Variants in ARHGAP24 observed in about 807,000 individuals in gnomAD.
ARHGAP24 encodes the protein Rho GTPase activating protein 24.
Under a neutral mutation model 76.4 loss-of-function variants are expected in ARHGAP24, and 50 were observed. The ratio of observed to expected loss-of-function variants is 0.65; its 90% CI spans 0.52 to 0.83. ARHGAP24 has a LOEUF of 0.83. Ranked by LOEUF, ARHGAP24 falls within the 40% of genes least tolerant of loss-of-function variation. ARHGAP24 has a pLI of 0.00. For missense variants in ARHGAP24, 930 were observed against 914.2 expected, an observed-to-expected ratio of 1.02 and a Z score of -0.22; for synonymous variants, 345 against 323.3, an observed-to-expected ratio of 1.07 and a Z score of -0.72.
chr4:85,683,107 T>TGGGGGGGGGGGGGGGGGGGG (rs1310671945), intron 2 of ARHGAP24, among the ~76,000 whole-genome samples: 2 of 12,840 alleles, frequency 1.6e-4, no homozygotes, highest in African/African-American at 2.4e-4. Flanking sequence ...TCTCTCAGTG[T>TGGGGGGGGGGGGGGGGGGGG]GTGGGGGGGT....
intron 2 of ARHGAP24, among the ~76,000 whole-genome samples, chr4:85,682,260 A>C (rs1250570693): frequency 1.3e-5 from 2 of 152,200 alleles, no homozygotes; most frequent in Non-Finnish European, 2.9e-5. Context: ...TTGATTATTT[A>C]TATTGTGTGA....
chr4:85,497,004 A>G (rs1019414972), intron 1 of ARHGAP24, among the ~76,000 whole-genome samples: 7 of 152,264 alleles, frequency 4.6e-5, no homozygotes, highest in African/African-American at 1.2e-4. Flanking sequence ...AAGCCGTGTT[A>G]TGAGAATATT....
chr4:85,805,275 G>A (rs891048616), intron 3 of ARHGAP24, among the ~76,000 whole-genome samples: 8 of 152,026 alleles, frequency 5.3e-5, no homozygotes, highest in Non-Finnish European at 7.4e-5. Flanking sequence ...CATTCCCCTT[G>A]CGTCCTTTCG....
intron 2 of ARHGAP24, among the ~76,000 whole-genome samples, chr4:85,599,322 C>A (rs1719957108): frequency 6.6e-6 from 1 of 152,116 alleles, no homozygotes; most frequent in Non-Finnish European, 1.5e-5. Flanking sequence ...GAGGCCAGAA[C>A]TGTAGAAGTG....
intron 1 of ARHGAP24, among the ~76,000 whole-genome samples, chr4:85,502,367 C>T (rs545469596): frequency 6.6e-6 from 1 of 152,164 alleles, no homozygotes; most frequent in East Asian, 1.9e-4. Flanking sequence ...ATGGAATGTT[C>T]TTCCATTTGT....
chr4:85,814,283 A>G (rs536396907), intron 3 of ARHGAP24, among the ~76,000 whole-genome samples: 1 of 152,352 alleles, frequency 6.6e-6, no homozygotes, highest in African/African-American at 2.4e-5. Flanking sequence ...ATGCTTTTCC[A>G]AAAGTCCCCC....
chr4:85,767,135 C>T (rs1205024807), intron 3 of ARHGAP24, among the ~76,000 whole-genome samples: 3 of 152,132 alleles, frequency 2.0e-5, no homozygotes, highest in Non-Finnish European at 1.5e-5. Flanking sequence ...GCAACATTCA[C>T]ACAATGTAAA....
At chr4:85,983,608 T>C (rs1444095279) in intron 8 of ARHGAP24, among the ~76,000 whole-genome samples, 1 of 152,160 alleles carries the variant, frequency 6.6e-6, no homozygotes, top group African/African-American at 2.4e-5. Context: ...ACAAACTTAC[T>C]TTAAAAAGCT....
chr4:85,614,513 T>G (rs1178748241), intron 2 of ARHGAP24, among the ~76,000 whole-genome samples: 1 of 152,202 alleles, frequency 6.6e-6, no homozygotes, highest in Non-Finnish European at 1.5e-5. Flanking sequence ...TAATAGCTGC[T>G]TTAAGCTTTA....
chr4:85,999,646 A>G (rs1740885200), intron 9 of ARHGAP24, among the ~76,000 whole-genome samples: 1 of 152,202 alleles, frequency 6.6e-6, no homozygotes, highest in Non-Finnish European at 1.5e-5. Flanking sequence ...TTAAATAAAG[A>G]TGTAACTTTA....
At chr4:85,490,218 T>C (rs1723299607) in intron 1 of ARHGAP24, among the ~76,000 whole-genome samples, 1 of 152,044 alleles carries the variant, frequency 6.6e-6, no homozygotes, top group Non-Finnish European at 1.5e-5. Flanking sequence ...TGAATTACAG[T>C]TGGTGATGCT....
At chr4:85,911,969 T>C (rs1735111575) in intron 3 of ARHGAP24, among the ~76,000 whole-genome samples, 1 of 152,198 alleles carries the variant, frequency 6.6e-6, no homozygotes. Flanking sequence ...ACTCCTTTTG[T>C]AGGGTCTTAA....
intron 3 of ARHGAP24, among the ~76,000 whole-genome samples, chr4:85,905,663 G>T (rs1023318317): frequency 2.0e-5 from 3 of 152,126 alleles, no homozygotes; most frequent in Non-Finnish European, 2.9e-5. Context: ...TTCTCCCTGA[G>T]CTTCTGTTGC....
At chr4:85,501,617 A>T (rs1240530583) in intron 1 of ARHGAP24, among the ~76,000 whole-genome samples, 1 of 152,152 alleles carries the variant, frequency 6.6e-6, no homozygotes, top group African/African-American at 2.4e-5. Context: ...GAATTTGGAT[A>T]TTAGCACTTT....
At chr4:85,740,901 A>G (rs937716018) in intron 3 of ARHGAP24, among the ~76,000 whole-genome samples, 1 of 152,270 alleles carries the variant, frequency 6.6e-6, no homozygotes, top group Non-Finnish European at 1.5e-5. Flanking sequence ...ATAAAAAAGC[A>G]GTAATGAAAG....
At chr4:85,599,055 T>A (rs1029083380) in intron 2 of ARHGAP24, among the ~76,000 whole-genome samples, 1 of 152,152 alleles carries the variant, frequency 6.6e-6, no homozygotes, top group African/African-American at 2.4e-5. Context: ...CACATTTGAA[T>A]TCAACGAGCC....
chr4:85,540,359 C>T (rs1725628967), intron 1 of ARHGAP24, among the ~76,000 whole-genome samples: 1 of 152,110 alleles, frequency 6.6e-6, no homozygotes, highest in African/African-American at 2.4e-5. Context: ...TTCAATGTGA[C>T]CAATCTTCTG....
intron 2 of ARHGAP24, among the ~76,000 whole-genome samples, chr4:85,605,645 A>G (rs1283649440): frequency 6.6e-6 from 1 of 152,232 alleles, no homozygotes; most frequent in Non-Finnish European, 1.5e-5. Flanking sequence ...AGCTGATACT[A>G]TACATTATGT....
chr4:85,905,174 C>T (rs771851281), intron 3 of ARHGAP24, among the ~76,000 whole-genome samples: 9 of 151,968 alleles, frequency 5.9e-5, no homozygotes, highest in Non-Finnish European at 1.0e-4. Flanking sequence ...GGATGCATTT[C>T]CATAGTATTG....
Sources: gnomAD v4.1 joint callset for allele counts (sites outside exome capture counted in the v4.1 genomes callset) on GRCh38, gnomAD v4.1.1 for gene constraint, MANE v1.5 for transcripts, NCBI Gene and HGNC (gene_info 2026-07-23, HGNC 2026-07-21) for gene names.